EMILIN3: variants seen among roughly 807,000 people sequenced by gnomAD.
EMILIN3 encodes EMILIN-3.
Under a neutral mutation model 42.8 loss-of-function variants are expected in EMILIN3, and 38 were observed. That is an observed-to-expected ratio of 0.89 (90% CI 0.69 to 1.16). The LOEUF (loss-of-function observed/expected upper bound fraction) is 1.16, where lower values mean the gene tolerates loss of function less well. Ranked by LOEUF, EMILIN3 falls within the 50% of genes most tolerant of loss-of-function variation. The pLI is 0.00. For missense variants in EMILIN3, 924 were observed against 999.5 expected, an observed-to-expected ratio of 0.92 and a Z score of 1.02; for synonymous variants, 430 against 440.5, an observed-to-expected ratio of 0.98 and a Z score of 0.30.
At position 41,362,004 on chromosome 20, in the gene EMILIN3, G is replaced by A; in HGVS notation, c.1565C>T (p.Thr522Ile). Residue 522 changes from threonine to isoleucine, a missense_variant, in exon 4 of 4, where the codon ACC (threonine) becomes ATC (isoleucine). By Grantham distance (89) the Thr-to-Ile change is moderately conservative. Coordinates refer to ENST00000332312, the MANE Select transcript of EMILIN3 (RefSeq NM_052846.2). ...CAGGATGGCTGAGGTGGTGCTCGGGGTGCACGAAGTCTCCAGTGAGACCAA... is the reference window on the plus strand; with the variant it reads ...CAGGATGGCTGAGGTGGTGCTCGGGATGCACGAAGTCTCCAGTGAGACCAA... ...QRLVSLETSC[T>I]PSTTSAILDS... The A allele has an allele frequency of 6.2e-7, 1 of 1,611,690 alleles. No individual in the cohort carries two copies. Among genetic ancestry groups the A allele is most frequent in the Non-Finnish European group, 8.5e-7 (1 of 1,178,198 alleles).
rs995341448 is a variant in EMILIN3, at chr20:41,363,846, G to A, written c.306C>T (p.Leu102=). The A allele has an allele frequency of 1.9e-6, 3 of 1,613,984 alleles. No homozygotes were observed. In the African/African-American group the frequency reaches 4.0e-5, roughly 22 times the overall value. Residue 102 remains leucine, a synonymous_variant, in exon 3 of 4, where the codon CTC becomes CTT. Transcript: ENST00000332312. ...CPGTVTYRTV[L]RPKYKVGYKT... is the part of the protein sequence containing the mutation. ...TGTAGCCAACCTTGTATTTGGGTCTGAGTACTGTGCGGTACCTGGGCCAGG... is the reference window on the plus strand; with the variant it reads ...TGTAGCCAACCTTGTATTTGGGTCTAAGTACTGTGCGGTACCTGGGCCAGG...
intron 3 of EMILIN3, 30 bp from the exon 4 acceptor site, chr20:41,363,084 T>G (rs1269331430): frequency 6.7e-7 from 1 of 1,485,070 alleles, no homozygotes; most frequent in South Asian, 1.3e-5. Flanking sequence ...CCCAGGGGCA[T>G]CACTGGCCTC....
In EMILIN3 at chr20:41,363,648, G is replaced by A. The variant is rs752258308; in HGVS notation, c.504C>T (p.Pro168=). ...PRPPSYSRAA[P]SPHGRKGPGL... ...CTTGGGCAGACTCACCATGAGGGCTGGGGGCTGCTCTGCTGTAGGAAGGGG... is the reference window on the plus strand; with the variant it reads ...CTTGGGCAGACTCACCATGAGGGCTAGGGGCTGCTCTGCTGTAGGAAGGGG... The change falls in exon 3 of 4, where the codon CCC becomes CCT. Residue 168 remains proline (P), a synonymous_variant. Transcript: ENST00000332312. 9.9e-6 allele frequency: 16 copies of A among 1,609,030 alleles called. No individual in the cohort carries two copies. In the East Asian group the frequency reaches 2.7e-4, roughly 27 times the overall value.
chr20:41,363,141 T>TTA, intron 3 of EMILIN3, 87 bp from the exon 4 acceptor site: 4 of 1,231,372 alleles, frequency 3.2e-6, no homozygotes, highest in Non-Finnish European at 4.3e-6. Flanking sequence ...AGACTTTCTG[T>TTA]TCTTTTTTTT....
intron 3 of EMILIN3, 89 bp from the exon 4 acceptor site, chr20:41,363,143 C>A: frequency 1.4e-5 from 14 of 974,536 alleles, no homozygotes; most frequent in Non-Finnish European, 2.0e-5. Flanking sequence ...ACTTTCTGTT[C>A]TTTTTTTTTT....
Position 41,362,668 on chromosome 20 carries a change from C to G in EMILIN3, c.901G>C (p.Glu301Gln). 6.2e-7 allele frequency: 1 copy of G among 1,611,634 alleles called. No individual in the cohort carries two copies. Among genetic ancestry groups the G allele is most frequent in the Non-Finnish European group, 8.5e-7 (1 of 1,179,948 alleles). The change falls in exon 4 of 4, where the codon GAG (glutamate) becomes CAG (glutamine). Residue 301 changes from glutamate to glutamine, a missense_variant. Transcript: ENST00000332312. ...PSPLTSLALL[E>Q]EYVDRRLHRL... is the part of the protein sequence containing the mutation. Reference sequence around the variant, plus strand: ...TGCAGCCGTCGGTCCACGTACTCCTCCAGCAGGGCCAGGGAGGTGAGCGGG... The same window carrying G: ...TGCAGCCGTCGGTCCACGTACTCCTGCAGCAGGGCCAGGGAGGTGAGCGGG...
chr20:41,361,420 G>T lies in EMILIN3; in HGVS notation c.2149C>A (p.Pro717Thr), dbSNP rs139977572. The T allele has an allele frequency of 1.3e-5, 21 of 1,610,960 alleles. No homozygotes were observed. Among genetic ancestry groups the T allele is most frequent in the Non-Finnish European group, 1.8e-5 (21 of 1,178,586 alleles). The change falls in exon 4 of 4, where the codon CCA becomes ACA. Residue 717 changes from proline (P) to threonine (T), a missense_variant. Pro to Thr is a conservative substitution (Grantham distance 38). Coordinates refer to ENST00000332312, the MANE Select transcript of EMILIN3 (RefSeq NM_052846.2). ...AAGLDSLPTE[P>T]LRPREGLWSH... ...CACAGGCCCTCTCTGGGCCTCAGTG[G>T]CTCAGTGGGCAAGCTGTCCAGGCCC...
At position 41,366,081 on chromosome 20, in the gene EMILIN3, G is replaced by C. The variant is rs776067252; in HGVS notation, c.167+387C>G. Among the ~76,000 whole-genome samples the C allele has an allele frequency of 3.3e-5, 5 of 152,176 alleles. No individual in the cohort carries two copies. The highest frequency in any genetic ancestry group is 7.4e-5 in the Non-Finnish European group (5 of 68,006). ...TCCTACCTGGCCGGGCCAGGGGAGAGAAGGGAGGCCCGGGGCGGGGGAGCC... is the reference window on the plus strand; with the variant it reads ...TCCTACCTGGCCGGGCCAGGGGAGACAAGGGAGGCCCGGGGCGGGGGAGCC... On this transcript the variant is annotated intron_variant, in intron 1 of 3. Transcript: ENST00000332312. The surrounding 1 kb of genome is among the most constrained non-coding windows in gnomAD (Gnocchi z 4.2).
At chr20:41,363,970 C>T (rs2046381419) in intron 2 of EMILIN3, 109 bp from the exon 3 acceptor site, 2 of 1,014,020 alleles carry the variant, frequency 2.0e-6, no homozygotes, top group Non-Finnish European at 3.0e-6. Context: ...CTGGGTATCT[C>T]CCCACCTCCA....
Position 41,365,060 on chromosome 20 carries a change from C to T in EMILIN3, c.265G>A (p.Gly89Arg). ...GTGACTGTCCCGGGGCACTTGGGCC[C>T]CCATCTACACTGCCGGTATTCAGCC... ...VKAEYRQCRW[G>R]PKCPGTVTYR... The change falls in exon 2 of 4, where the codon GGG becomes AGG. Residue 89 changes from glycine to arginine, a missense_variant. Physicochemically the swap from Gly to Arg is moderately radical, Grantham distance 125. Transcript: ENST00000332312. The T allele has an allele frequency of 6.2e-7, 1 of 1,613,454 alleles. No individual in the cohort carries two copies. The highest frequency in any genetic ancestry group is 1.3e-5 in the African/African-American group (1 of 74,820).
chr20:41,362,709 C>G lies in EMILIN3; in HGVS notation c.860G>C (p.Arg287Pro). The change falls in exon 4 of 4, where the codon CGG becomes CCG. Residue 287 changes from arginine (R) to proline (P), a missense_variant. Coordinates refer to ENST00000332312, the MANE Select transcript of EMILIN3 (RefSeq NM_052846.2). Reference sequence around the variant, plus strand: ...GGTGAGCGGGGATGGTGGGGCTTCCCGCAGCCGCTGCAGGTGGGCCTCATG... The same window carrying G: ...GGTGAGCGGGGATGGTGGGGCTTCCGGCAGCCGCTGCAGGTGGGCCTCATG... ...LGHEAHLQRL[R>P]EAPPSPLTSL... The G allele has an allele frequency of 6.2e-7, 1 of 1,613,816 alleles. No individual in the cohort carries two copies.
At position 41,362,194 on chromosome 20, in the gene EMILIN3, C is replaced by T; in HGVS notation, c.1375G>A (p.Gly459Arg). Residue 459 changes from glycine (G) to arginine (R), a missense_variant, in exon 4 of 4, where the codon GGG (glycine) becomes AGG (arginine). Physicochemically the swap from Gly to Arg is moderately radical, Grantham distance 125. Transcript: ENST00000332312. ...CCAAAGCCGCCCACTCCCCACCCCCCCATGTCCAACCTCAGACAGCATCCC... is the reference window on the plus strand; with the variant it reads ...CCAAAGCCGCCCACTCCCCACCCCCTCATGTCCAACCTCAGACAGCATCCC... Reference protein sequence around the residue: ...ARGCCLRLDMGGWGVGGFGTM... With the variant: ...ARGCCLRLDMRGWGVGGFGTM... 1.9e-6 allele frequency: 3 copies of T among 1,614,002 alleles called. No individual in the cohort carries two copies. The highest frequency in any genetic ancestry group is 2.5e-6 in the Non-Finnish European group (3 of 1,179,986).
intron 2 of EMILIN3, 113 bp from the exon 3 acceptor site, chr20:41,363,974 A>T: frequency 1.1e-6 from 1 of 942,934 alleles, no homozygotes; most frequent in Non-Finnish European, 1.6e-6. Flanking sequence ...GTATCTCCCC[A>T]CCTCCATAGC....
At position 41,361,596 on chromosome 20, in the gene EMILIN3, A is replaced by T; in HGVS notation, c.1973T>A (p.Leu658Gln). The change falls in exon 4 of 4, where the codon CTG becomes CAG. Residue 658 changes from leucine to glutamine, a missense_variant. By Grantham distance (113) the Leu-to-Gln change is moderately radical. Transcript: ENST00000332312. ...HRQVLNLRGELEQLKAGVAKV... is the reference protein window; with the variant it reads ...HRQVLNLRGEQEQLKAGVAKV... ...GGCCACACCAGCCTTGAGTTGCTCC[A>T]GCTCCCCACGCAGGTTCAGGACCTG... The T allele has an allele frequency of 2.5e-6, 4 of 1,611,364 alleles. No homozygotes were observed. Among genetic ancestry groups the T allele is most frequent in the Non-Finnish European group, 2.5e-6 (3 of 1,179,956 alleles).
At position 41,362,914 on chromosome 20, in the gene EMILIN3, C is replaced by T. The variant is rs746718245; in HGVS notation, c.655G>A (p.Ala219Thr). The T allele has an allele frequency of 1.2e-6, 2 of 1,613,556 alleles. No individual in the cohort carries two copies. The highest frequency in any genetic ancestry group is 2.7e-5 in the African/African-American group (2 of 74,952). The part of the protein sequence containing the change: ...DPNRMTGGPR[A>T]PAVPVGFGVI... ...CCAAAGCCCACAGGGACAGCAGGAGCCCTGGGGCCACCAGTCATCCTGTTG... is the reference window on the plus strand; with the variant it reads ...CCAAAGCCCACAGGGACAGCAGGAGTCCTGGGGCCACCAGTCATCCTGTTG... Residue 219 changes from alanine to threonine, a missense_variant, in exon 4 of 4, where the codon GCT (alanine) becomes ACT (threonine). Transcript: ENST00000332312.
chr20:41,364,580 T>G (rs910325134), intron 2 of EMILIN3, among the ~76,000 whole-genome samples: 1 of 152,144 alleles, frequency 6.6e-6, no homozygotes, highest in Non-Finnish European at 1.5e-5. Flanking sequence ...CGTGCAGCCC[T>G]GCTGCTCCGG....
chr20:41,363,638 C>T lies in EMILIN3; in HGVS notation c.514G>A (p.Gly172Arg). 3 of 1,604,978 alleles carry T rather than the reference C, an allele frequency of 1.9e-6. No homozygotes were observed. Among genetic ancestry groups the T allele is most frequent in the Non-Finnish European group, 2.6e-6 (3 of 1,174,588 alleles). The change falls in exon 3 of 4, where the codon GGA (glycine) becomes AGA (arginine). Residue 172 changes from glycine to arginine, a missense_variant and splice_region_variant. By Grantham distance (125) the Gly-to-Arg change is moderately radical. Transcript: ENST00000332312. ...SYSRAAPSPH[G>R]RKGPGLFGER... The stretch of plus-strand genomic sequence containing the variant: ...GGAGGGTCTCCTTGGGCAGACTCAC[C>T]ATGAGGGCTGGGGGCTGCTCTGCTG...
chr20:41,364,752 T>C (rs571916348), intron 2 of EMILIN3, among the ~76,000 whole-genome samples: 79 of 152,320 alleles, frequency 5.2e-4, no homozygotes, highest in Non-Finnish European at 9.1e-4. Flanking sequence ...TTGTGCTGCC[T>C]CTGCCCCCAG....
chr20:41,363,142 T>A, intron 3 of EMILIN3, 88 bp from the exon 4 acceptor site: 2 of 1,192,494 alleles, frequency 1.7e-6, no homozygotes, highest in Non-Finnish European at 2.2e-6. Flanking sequence ...GACTTTCTGT[T>A]CTTTTTTTTT....
Sources: allele counts gnomAD v4.1 joint callset (sites outside exome capture counted in the v4.1 genomes callset), GRCh38; gene constraint gnomAD v4.1.1; non-coding constraint Gnocchi (gnomAD v3.1); transcripts MANE v1.5; gene names NCBI Gene and HGNC (gene_info 2026-07-23, HGNC 2026-07-21).